The following MACROD2 variants were observed in gnomAD, a reference collection of about 807,000 sequenced individuals.
The protein encoded by MACROD2 is mono-ADP ribosylhydrolase 2.
MACROD2 carries 36 observed loss-of-function variants against 70.4 expected under a neutral mutation model. The ratio of observed to expected loss-of-function variants is 0.51; its 90% CI spans 0.39 to 0.68. The LOEUF is 0.68. Ranked by LOEUF, MACROD2 falls within the 30% of genes least tolerant of loss-of-function variation. The probability of loss-of-function intolerance (pLI) is 0.00; values close to 1 mark genes in which losing one functional copy is unlikely to be tolerated. For synonymous variants in MACROD2, 172 were observed against 178.8 expected (o/e 0.96, Z 0.30); for missense variants, 496 against 538.4 (o/e 0.92, Z 0.78).
intron 8 of MACROD2, among the ~76,000 whole-genome samples, chr20:15,623,132 T>C (rs535412564): frequency 1.3e-5 from 2 of 152,338 alleles, no homozygotes; most frequent in East Asian, 3.9e-4. Context: ...TCACTAGGAA[T>C]AGAAGTTTTG....
chr20:14,518,988 GA>G (rs2085134922), intron 4 of MACROD2, among the ~76,000 whole-genome samples: 1 of 152,058 alleles, frequency 6.6e-6, no homozygotes, highest in Admixed American at 6.6e-5. Context: ...ATGTGGTGGC[GA>G]AAAAGTTATT....
chr20:14,003,997 T>C (rs561365535), intron 2 of MACROD2, among the ~76,000 whole-genome samples: 2 of 152,314 alleles, frequency 1.3e-5, no homozygotes, highest in East Asian at 1.9e-4. Context: ...TCTTCTTTTT[T>C]TTAAATGGCT....
chr20:15,575,387 TGAATGAATGAATACCAA>T (rs1290031714), intron 8 of MACROD2, among the ~76,000 whole-genome samples: 125 of 152,204 alleles, frequency 8.2e-4, no homozygotes, highest in South Asian at 1.9e-3. Flanking sequence ...ATGAATACCA[TGAATGAATGAATACCAA>T]GAATGAATGA....
chr20:14,458,745 T>C lies in MACROD2; in HGVS notation c.272-34734T>C, dbSNP rs138970640. ...AAGGGAAAAAAAAGGCAAGCAGTTA[T>C]GTTGAAAAACCTGAAATATACTGAA... On this transcript the variant is annotated intron_variant, in intron 3 of 17. Coordinates refer to ENST00000684519, the MANE Select transcript of MACROD2 (RefSeq NM_001351661.2). Among the ~76,000 whole-genome samples the C allele has an allele frequency of 2.7e-4, 41 of 152,232 alleles. No individual in the cohort carries two copies. In the East Asian group the frequency reaches 7.7e-3, roughly 29 times the overall value.
intron 8 of MACROD2, among the ~76,000 whole-genome samples, chr20:15,809,778 CTCTT>C (rs1365889092): frequency 6.6e-6 from 1 of 151,868 alleles, no homozygotes; most frequent in African/African-American, 2.4e-5. Flanking sequence ...CTGGAACTCT[CTCTT>C]AAAGCTTAAG....
intron 6 of MACROD2, among the ~76,000 whole-genome samples, chr20:15,268,614 C>T (rs556105761): frequency 1.7e-4 from 26 of 152,292 alleles, no homozygotes; most frequent in African/African-American, 5.5e-4. Context: ...GATTGCGCCA[C>T]TGCACTCCAG....
In MACROD2 at chr20:15,057,237, A is replaced by G. The variant is rs569215935; in HGVS notation, c.419-172703A>G. On this transcript the variant is annotated intron_variant, in intron 5 of 17. Transcript: ENST00000684519. ...TCTTTACATGATAGGATATATGTACATGTAGTATGTCAATTTAATTCCCTC... is the reference window on the plus strand; with the variant it reads ...TCTTTACATGATAGGATATATGTACGTGTAGTATGTCAATTTAATTCCCTC... Among the ~76,000 whole-genome samples, 108 of 152,324 alleles carry G rather than the reference A, an allele frequency of 7.1e-4. 1 individual carries two copies. In the Middle Eastern group the frequency reaches 0.02, roughly 29 times the overall value.
intron 3 of MACROD2, among the ~76,000 whole-genome samples, chr20:14,393,996 G>A (rs751717214): frequency 6.6e-6 from 1 of 152,164 alleles, no homozygotes; most frequent in African/African-American, 2.4e-5. Context: ...AACTGAATCT[G>A]CCAGTACCTT....
rs1383238151 is a variant in MACROD2, at chr20:15,151,892, A to G, written c.419-78048A>G. 2.0e-5 allele frequency among the ~76,000 whole-genome samples: 3 copies of G among 151,710 alleles called. No individual in the cohort carries two copies. The East Asian group carries it at 5.8e-4, about 29-fold the overall frequency. ...GGAGGCTAAGGAAGAATTGGGACCTAGCTCTGCCTGGCGAGGAGGGGAGGG... is the reference window on the plus strand; with the variant it reads ...GGAGGCTAAGGAAGAATTGGGACCTGGCTCTGCCTGGCGAGGAGGGGAGGG... On this transcript the variant is annotated intron_variant, in intron 5 of 17. Transcript: ENST00000684519.
At chr20:14,592,404 A>G (rs1308557971) in intron 4 of MACROD2, among the ~76,000 whole-genome samples, 3 of 152,124 alleles carry the variant, frequency 2.0e-5, no homozygotes, top group Non-Finnish European at 4.4e-5. Flanking sequence ...GGAAATGCAT[A>G]TTCCTTAGTG....
intron 12 of MACROD2, among the ~76,000 whole-genome samples, chr20:15,966,014 A>G (rs550563721): frequency 6.6e-6 from 1 of 152,324 alleles, no homozygotes; most frequent in Admixed American, 6.5e-5. Context: ...TTAACTACCC[A>G]GGTTTCTCAC....
intron 8 of MACROD2, among the ~76,000 whole-genome samples, chr20:15,774,652 G>A (rs561527289): frequency 2.0e-5 from 3 of 152,094 alleles, no homozygotes; most frequent in Admixed American, 6.5e-5. Context: ...TGGCCAGGGA[G>A]GGGGAGGGCA....
chr20:15,307,077 A>G (rs2077704907), intron 6 of MACROD2, among the ~76,000 whole-genome samples: 1 of 152,106 alleles, frequency 6.6e-6, no homozygotes, highest in East Asian at 1.9e-4. Context: ...ACCCCACCCC[A>G]TGACCCAAAC....
intron 15 of MACROD2, among the ~76,000 whole-genome samples, chr20:16,026,762 A>G (rs1329596411): frequency 1.3e-5 from 2 of 152,172 alleles, no homozygotes; most frequent in Non-Finnish European, 1.5e-5. Flanking sequence ...TTTTCAGACA[A>G]CAAAAGACAA....
intron 8 of MACROD2, among the ~76,000 whole-genome samples, chr20:15,615,126 C>T (rs1468799657): frequency 6.6e-6 from 1 of 152,140 alleles, no homozygotes; most frequent in Non-Finnish European, 1.5e-5. Context: ...GAGGAGACGA[C>T]AGCACCCAAT....
intron 8 of MACROD2, among the ~76,000 whole-genome samples, chr20:15,657,255 GT>G (rs1319177216): frequency 6.6e-6 from 1 of 152,166 alleles, no homozygotes; most frequent in Non-Finnish European, 1.5e-5. Context: ...CAAATAGGAT[GT>G]TTTTAAATCA....
chr20:14,439,267 A>G lies in MACROD2; in HGVS notation c.272-54212A>G, dbSNP rs148648082. On this transcript the variant is annotated intron_variant, in intron 3 of 17. Transcript: ENST00000684519. ...CTCTGTTCTCTGTGTCTCTTTTTTTATGCTAGTACCATACTGTTTTGATTA... is the reference window on the plus strand; with the variant it reads ...CTCTGTTCTCTGTGTCTCTTTTTTTGTGCTAGTACCATACTGTTTTGATTA... Among the ~76,000 whole-genome samples the G allele has an allele frequency of 5.1e-4, 78 of 152,014 alleles. No homozygotes were observed. The East Asian group carries it at 9.7e-3, about 19-fold the overall frequency.
At chr20:14,513,799 AATCTCT>A (rs1253135905) in intron 4 of MACROD2, among the ~76,000 whole-genome samples, 4 of 152,086 alleles carry the variant, frequency 2.6e-5, no homozygotes, top group Non-Finnish European at 5.9e-5. Flanking sequence ...CATCTCAAAT[AATCTCT>A]ATCTCCTTTA....
At chr20:14,643,950 C>A (rs893751413) in intron 4 of MACROD2, among the ~76,000 whole-genome samples, 2 of 151,962 alleles carry the variant, frequency 1.3e-5, no homozygotes, top group African/African-American at 2.4e-5. Flanking sequence ...TGTAGTTAGT[C>A]ATCTATAACA....
Sources: gnomAD v4.1 joint callset for allele counts (sites outside exome capture counted in the v4.1 genomes callset) on GRCh38, gnomAD v4.1.1 for gene constraint, MANE v1.5 for transcripts, NCBI Gene and HGNC (gene_info 2026-07-23, HGNC 2026-07-21) for gene names.